CTH: variants seen among roughly 807,000 people sequenced by gnomAD.
The protein encoded by CTH is cystathionine gamma-lyase.
A neutral mutation model predicts 50.6 loss-of-function variants in CTH; 41 were observed. That is an observed-to-expected ratio of 0.81 (90% CI 0.63 to 1.05). The LOEUF is 1.05. Ranked by LOEUF, CTH falls within the 50% of genes least tolerant of loss-of-function variation. CTH has a pLI of 0.00. For missense variants in CTH, 470 were observed against 492.6 expected (o/e 0.95, Z 0.43); for synonymous variants, 156 against 168.9 (o/e 0.92, Z 0.59).
chr1:70,432,192 G>C lies in CTH; in HGVS notation c.834G>C (p.Gln278His), dbSNP rs150167732. The change falls in exon 8 of 12, where the codon CAG (glutamine) becomes CAC (histidine). Residue 278 changes from glutamine (Q) to histidine (H), a missense_variant. Coordinates refer to ENST00000370938, the MANE Select transcript of CTH (RefSeq NM_001902.6). ...TCAAAAACGGAATGGCAGTTGCCCA[G>C]TTCCTGGAATCTAATCCTTGGGTAG... Reference protein sequence around the residue: ...KHFKNGMAVAQFLESNPWVEK... With the variant: ...KHFKNGMAVAHFLESNPWVEK... 8 of 1,614,072 alleles carry C rather than the reference G, an allele frequency of 5.0e-6. No individual in the cohort carries two copies. The African/African-American group carries it at 1.1e-4, about 22-fold the overall frequency.
chr1:70,433,951 TA>T lies in CTH; in HGVS notation c.999+5del, dbSNP rs1334164835. On this transcript the variant is annotated splice_donor_region_variant and intron_variant, in intron 9 of 11. Transcript: ENST00000370938. The stretch of plus-strand genomic sequence containing the variant: ...GAGATTTTCCTCAAGAACCTAAAGG[TA>T]AACTTACAAAATAGGTTTAAAATTG... The T allele has an allele frequency of 6.8e-6, 11 of 1,613,710 alleles. No homozygotes were observed. Among genetic ancestry groups the T allele is most frequent in the Non-Finnish European group, 8.5e-6 (10 of 1,179,836 alleles).
intron 9 of CTH, 80 bp from the exon 10 acceptor site, chr1:70,435,045 C>G: frequency 7.4e-7 from 1 of 1,359,336 alleles, no homozygotes; most frequent in Non-Finnish European, 1.0e-6. Context: ...GCCACTGTGC[C>G]TGGCCTAAAA....
Position 70,416,401 on chromosome 1 carries a change from C to CT in CTH, c.250+371dup, listed in dbSNP as rs915090292. Among the ~76,000 whole-genome samples, 183 of 151,946 alleles carry CT rather than the reference C, an allele frequency of 1.2e-3. 1 individual carries two copies. Among genetic ancestry groups the CT allele is most frequent in the African/African-American group, 4.1e-3 (169 of 41,450 alleles). On this transcript the variant is annotated intron_variant, in intron 2 of 11. Coordinates refer to ENST00000370938, the MANE Select transcript of CTH (RefSeq NM_001902.6). ...AACACCACCTATTAGAATATAAAAT[C>CT]TTTTTTTGAGACAGGGTCTCTCATT...
chr1:70,425,434 C>G (rs773438483), intron 5 of CTH, among the ~76,000 whole-genome samples: 1 of 152,188 alleles, frequency 6.6e-6, no homozygotes, highest in Non-Finnish European at 1.5e-5. Flanking sequence ...ATAGATGGAG[C>G]CTTCTCGCTG....
intron 3 of CTH, among the ~76,000 whole-genome samples, chr1:70,421,347 A>C (rs952819003): frequency 5.3e-5 from 8 of 152,170 alleles, no homozygotes; most frequent in African/African-American, 1.9e-4. Context: ...TTGGATCTCA[A>C]GTGTGTTTTA....
chr1:70,426,701 C>T (rs1247502815), intron 5 of CTH, among the ~76,000 whole-genome samples: 1 of 152,120 alleles, frequency 6.6e-6, no homozygotes, highest in African/African-American at 2.4e-5. Flanking sequence ...GTCTGTTTCC[C>T]AGTGAAAAAT....
intron 5 of CTH, among the ~76,000 whole-genome samples, chr1:70,429,306 G>A (rs542390648): frequency 2.6e-5 from 4 of 152,114 alleles, no homozygotes; most frequent in Admixed American, 2.0e-4. Context: ...TAGGAATCAA[G>A]ATCATGACAA....
Position 70,429,800 on chromosome 1 carries a change from T to G in CTH, c.595T>G (p.Leu199Val). ...AAAAAACTTGTTCTTTCAGCGCCCTTTGGCTCTGGGAGCTGATATTTCTAT... is the reference window on the plus strand; with the variant it reads ...AAAAAACTTGTTCTTTCAGCGCCCTGTGGCTCTGGGAGCTGATATTTCTAT... ...TFMSPYFQRP[L>V]ALGADISMYS... The change falls in exon 6 of 12, where the codon TTG (leucine) becomes GTG (valine). Residue 199 changes from leucine (L) to valine (V), a missense_variant. Transcript: ENST00000370938. 6.2e-7 allele frequency: 1 copy of G among 1,612,292 alleles called. No individual in the cohort carries two copies. The highest frequency in any genetic ancestry group is 8.5e-7 in the Non-Finnish European group (1 of 1,178,536).
chr1:70,416,912 G>T (rs917873319), intron 2 of CTH, among the ~76,000 whole-genome samples: 26 of 151,432 alleles, frequency 1.7e-4, no homozygotes, highest in African/African-American at 6.3e-4. Flanking sequence ...AGGCTGGTCT[G>T]GAACTCTTGG....
chr1:70,417,885 G>A, intron 2 of CTH, 52 bp from the exon 3 acceptor site: 1 of 1,603,174 alleles, frequency 6.2e-7, no homozygotes, highest in African/African-American at 1.3e-5. Flanking sequence ...GAGGTGTGTT[G>A]TAACCTATAG....
chr1:70,425,326 T>G (rs913636542), intron 5 of CTH, among the ~76,000 whole-genome samples: 1 of 152,186 alleles, frequency 6.6e-6, no homozygotes, highest in South Asian at 2.1e-4. Context: ...CTGGGTGGCT[T>G]ACAAACAGCA....
chr1:70,411,334 G>A lies in CTH; in HGVS notation c.-82G>A. 1 of 1,431,676 alleles carries A rather than the reference G, an allele frequency of 7.0e-7. No individual in the cohort carries two copies. The highest frequency in any genetic ancestry group is 9.9e-7 in the Non-Finnish European group (1 of 1,014,116). 88.7% of individuals were successfully genotyped at this position (1,431,676 alleles called of 1,614,324 possible). A position where few individuals can be genotyped will look rare whatever the true frequency, so the allele number is the denominator to read the frequency against. On this transcript the variant is annotated 5_prime_UTR_variant, in exon 1 of 12. Transcript: ENST00000370938. ...TAGCTCCTTCTCGCCTGATCCTTCT[G>A]TCTCTCCCAACCCCGGACACCCGGC...
At chr1:70,411,960 C>T (rs1683975688) in intron 1 of CTH, among the ~76,000 whole-genome samples, 1 of 152,222 alleles carries the variant, frequency 6.6e-6, no homozygotes. Flanking sequence ...GATAACTTGA[C>T]TAGAATTAAG....
intron 5 of CTH, among the ~76,000 whole-genome samples, chr1:70,426,205 T>TA (rs1248245771): frequency 6.6e-6 from 1 of 152,222 alleles, no homozygotes; most frequent in African/African-American, 2.4e-5. Context: ...GATCTCTTTA[T>TA]AATTAACTTG....
chr1:70,412,214 C>A (rs535173791), intron 1 of CTH, among the ~76,000 whole-genome samples: 16 of 152,322 alleles, frequency 1.1e-4, no homozygotes, highest in African/African-American at 3.8e-4. Flanking sequence ...GCTTTAGGAA[C>A]CAACTCCTAG....
chr1:70,417,989 A>G lies in CTH; in HGVS notation c.303A>G (p.Leu101=). Reference sequence around the variant, plus strand: ...CCACTGTAACTATTACCCATCTTTTAAAAGCAGGAGACCAAATTATTTGTA... The same window carrying G: ...CCACTGTAACTATTACCCATCTTTTGAAAGCAGGAGACCAAATTATTTGTA... ...LAATVTITHL[L]KAGDQIICMD... Residue 101 remains leucine (L), a synonymous_variant, in exon 3 of 12, where the codon TTA becomes TTG. Transcript: ENST00000370938. The G allele has an allele frequency of 6.2e-7, 1 of 1,614,144 alleles. No homozygotes were observed. The highest frequency in any genetic ancestry group is 8.5e-7 in the Non-Finnish European group (1 of 1,180,004).
At position 70,411,434 on chromosome 1, in the gene CTH, T is replaced by G; in HGVS notation, c.19T>G (p.Ser7Ala). Residue 7 changes from serine to alanine, a missense_variant, in exon 1 of 12, where the codon TCC becomes GCC. Transcript: ENST00000370938. Reference sequence around the variant, plus strand: ...GTTCAGCATGCAGGAAAAAGACGCCTCCTCACAAGGTTTCCTGCCACACTT... The same window carrying G: ...GTTCAGCATGCAGGAAAAAGACGCCGCCTCACAAGGTTTCCTGCCACACTT... MQEKDA[S>A]SQGFLPHFQH... 1 of 1,614,120 alleles carries G rather than the reference T, an allele frequency of 6.2e-7. No individual in the cohort carries two copies. Among genetic ancestry groups the G allele is most frequent in the East Asian group, 2.2e-5 (1 of 44,876 alleles).
rs773744441 is a variant in CTH at position 70,415,972 on chromosome 1, G to C, written c.185G>C (p.Arg62Pro). ...TTTTTTCAGGGTTTTGAATATAGCCGTTCTGGAAATCCCACTAGGAATTGC... is the reference window on the plus strand; with the variant it reads ...TTTTTTCAGGGTTTTGAATATAGCCCTTCTGGAAATCCCACTAGGAATTGC... ...PGQHSGFEYS[R>P]SGNPTRNCLE... The change falls in exon 2 of 12, where the codon CGT becomes CCT. Residue 62 changes from arginine to proline, a missense_variant. Transcript: ENST00000370938. 13 of 1,608,198 alleles carry C rather than the reference G, an allele frequency of 8.1e-6. No individual in the cohort carries two copies. Among genetic ancestry groups the C allele is most frequent in the African/African-American group, 1.3e-5 (1 of 74,784 alleles).
At chr1:70,421,219 A>G (rs1684212282) in intron 3 of CTH, among the ~76,000 whole-genome samples, 1 of 152,190 alleles carries the variant, frequency 6.6e-6, no homozygotes, top group Non-Finnish European at 1.5e-5. Flanking sequence ...ACATTGATTC[A>G]TTTAGTTTAG....
Sources: gnomAD v4.1 joint callset for allele counts (sites outside exome capture counted in the v4.1 genomes callset) on GRCh38, gnomAD v4.1.1 for gene constraint, MANE v1.5 for transcripts, NCBI Gene and HGNC (gene_info 2026-07-23, HGNC 2026-07-21) for gene names.